EML4: variants seen among roughly 807,000 people sequenced by gnomAD.
EML4 encodes the protein echinoderm microtubule-associated protein-like 4.
EML4 carries 72 observed loss-of-function variants against 129.0 expected under a neutral mutation model. The observed-to-expected ratio is 0.56, with a 90% CI of 0.46 to 0.68. The LOEUF is 0.68. Ranked by LOEUF, EML4 falls within the 30% of genes least tolerant of loss-of-function variation. The pLI is 0.00. For synonymous variants in EML4, 532 were observed against 405.0 expected, an observed-to-expected ratio of 1.31 and a Z score of -3.77; for missense variants, 1,363 against 1,190.6, an observed-to-expected ratio of 1.14 and a Z score of -2.13.
intron 4 of EML4, among the ~76,000 whole-genome samples, chr2:42,262,520 A>C (rs138487574): frequency 6.6e-6 from 1 of 152,188 alleles, no homozygotes; most frequent in African/African-American, 2.4e-5. Flanking sequence ...TTGCCCTCCT[A>C]AATTGCTCTT....
rs1669224117 is a variant in EML4 at position 42,315,950 on chromosome 2, ACTT to A, written c.1968-8_1968-6del. ...ATATCTGAAGAAAATTTTGATTTTT[ACTT>A]CTTAACAGGTGGTTTGTTCTGGATG... is the stretch of plus-strand genomic sequence containing the variant. On this transcript the variant is annotated splice_polypyrimidine_tract_variant and intron_variant, in intron 17 of 22. Coordinates refer to ENST00000318522, the MANE Select transcript of EML4 (RefSeq NM_019063.5). The A allele has an allele frequency of 2.5e-6, 4 of 1,589,316 alleles. No individual in the cohort carries two copies. In the South Asian group the frequency reaches 3.5e-5, roughly 14 times the overall value.
intron 1 of EML4, among the ~76,000 whole-genome samples, chr2:42,176,191 T>C (rs1374772325): frequency 1.3e-5 from 2 of 152,246 alleles, no homozygotes; most frequent in Non-Finnish European, 2.9e-5. Context: ...TTTTGATTCT[T>C]TGCCATTTTT....
chr2:42,245,036 G>C (rs1210167624), intron 1 of EML4, among the ~76,000 whole-genome samples: 1 of 147,538 alleles, frequency 6.8e-6, no homozygotes, highest in Non-Finnish European at 1.5e-5. Flanking sequence ...CTTTATAGAA[G>C]TTAATATGTG....
At position 42,264,722 on chromosome 2, in the gene EML4, A is replaced by C; in HGVS notation, c.658A>C (p.Ile220Leu). ...CTTTTCTAGGCATAAAGATGTCATC[A>C]TCAACCAAGGTAAATTAAAAATCCT... ...KTADKHKDVIINQEGEYIKMF... is the reference protein window; with the variant it reads ...KTADKHKDVILNQEGEYIKMF... Residue 220 changes from isoleucine to leucine, a missense_variant, in exon 6 of 23, where the codon ATC (isoleucine) becomes CTC (leucine). Physicochemically the swap from Ile to Leu is conservative, Grantham distance 5. Coordinates refer to ENST00000318522, the MANE Select transcript of EML4 (RefSeq NM_019063.5). 6.9e-7 allele frequency: 1 copy of C among 1,455,872 alleles called. No homozygotes were observed. The highest frequency in any genetic ancestry group is 9.5e-7 in the Non-Finnish European group (1 of 1,048,470). The allele number at this position is 1,455,872 out of a possible 1,614,324, so 90.2% of individuals were successfully genotyped here.
chr2:42,318,630 T>G (rs553089011), intron 19 of EML4, among the ~76,000 whole-genome samples: 59 of 152,316 alleles, frequency 3.9e-4, no homozygotes, highest in African/African-American at 1.4e-3. Flanking sequence ...ACAACATGAT[T>G]AAATGAGATA....
chr2:42,244,590 T>A (rs576517835), intron 1 of EML4, among the ~76,000 whole-genome samples: 1 of 152,322 alleles, frequency 6.6e-6, no homozygotes, highest in Non-Finnish European at 1.5e-5. Flanking sequence ...AACCTTTTTT[T>A]AAGAGAGGTT....
chr2:42,172,815 G>A (rs1166641325), intron 1 of EML4, among the ~76,000 whole-genome samples: 1 of 152,060 alleles, frequency 6.6e-6, no homozygotes, highest in African/African-American at 2.4e-5. Flanking sequence ...AGCTTTTACC[G>A]ATTTTTTATA....
intron 18 of EML4, 88 bp downstream of exon 18, chr2:42,316,138 C>CT: frequency 3.5e-6 from 3 of 863,496 alleles, no homozygotes; most frequent in Admixed American, 2.1e-5. Flanking sequence ...AGGCTGACTA[C>CT]TTTTTTCTCT....
chr2:42,196,601 A>G (rs1257386219), intron 1 of EML4, among the ~76,000 whole-genome samples: 1 of 152,224 alleles, frequency 6.6e-6, no homozygotes, highest in Non-Finnish European at 1.5e-5. Context: ...GCTGGCGAGA[A>G]GATTAGAGGC....
intron 1 of EML4, among the ~76,000 whole-genome samples, chr2:42,171,741 C>T (rs1219913550): frequency 3.3e-5 from 5 of 152,014 alleles, no homozygotes; most frequent in Non-Finnish European, 5.9e-5. Flanking sequence ...GGAAATGGTT[C>T]CTGGCAGTAT....
chr2:42,268,342 A>G (rs1666181430), intron 6 of EML4, among the ~76,000 whole-genome samples: 1 of 152,236 alleles, frequency 6.6e-6, no homozygotes, highest in African/African-American at 2.4e-5. Flanking sequence ...CTTTTATATC[A>G]AGGACTTGAG....
intron 2 of EML4, among the ~76,000 whole-genome samples, chr2:42,249,704 T>TTC (rs1675641999): frequency 6.6e-6 from 1 of 152,316 alleles, no homozygotes; most frequent in African/African-American, 2.4e-5. Flanking sequence ...TTGTCTTAGT[T>TTC]TATCTTCTGC....
At chr2:42,306,083 AG>A (rs1668578273) in intron 17 of EML4, among the ~76,000 whole-genome samples, 1 of 152,230 alleles carries the variant, frequency 6.6e-6, no homozygotes, top group South Asian at 2.1e-4. Flanking sequence ...TTTTAGAATT[AG>A]GCTGCTTGAG....
intron 1 of EML4, among the ~76,000 whole-genome samples, chr2:42,196,738 T>A (rs1363025133): frequency 6.6e-6 from 1 of 152,218 alleles, no homozygotes; most frequent in African/African-American, 2.4e-5. Flanking sequence ...AAGCTAAATC[T>A]AACCCACCAA....
chr2:42,208,524 C>T (rs1257055243), intron 1 of EML4, among the ~76,000 whole-genome samples: 1 of 151,058 alleles, frequency 6.6e-6, no homozygotes, highest in Non-Finnish European at 1.5e-5. Flanking sequence ...AACCTCCGCC[C>T]TCTGAGTTCA....
In EML4 at chr2:42,268,243, A is replaced by G. The variant is rs529960249; in HGVS notation, c.667+3512A>G. Among the ~76,000 whole-genome samples the G allele has an allele frequency of 2.0e-5, 3 of 152,258 alleles. No individual in the cohort carries two copies. The East Asian group carries it at 5.8e-4, about 29-fold the overall frequency. On this transcript the variant is annotated intron_variant, in intron 6 of 22. Coordinates refer to ENST00000318522, the MANE Select transcript of EML4 (RefSeq NM_019063.5). ...AAACTTTTTTTTGTCATAATTCCCT[A>G]AACAATACAATATAACAACTAATAA...
intron 1 of EML4, among the ~76,000 whole-genome samples, chr2:42,222,829 C>G (rs181150612): frequency 6.6e-6 from 1 of 151,764 alleles, no homozygotes; most frequent in East Asian, 1.9e-4. Flanking sequence ...GATGGAGTCT[C>G]GCTTTGTCGC....
At chr2:42,326,026 G>A in intron 20 of EML4, 128 bp from the exon 21 acceptor site, 1 of 1,212,836 alleles carries the variant, frequency 8.2e-7, no homozygotes. Context: ...CTTTTTAAAT[G>A]TGTCTTAATG....
At chr2:42,172,378 G>A (rs1394287204) in intron 1 of EML4, among the ~76,000 whole-genome samples, 1 of 152,180 alleles carries the variant, frequency 6.6e-6, no homozygotes, top group Non-Finnish European at 1.5e-5. Flanking sequence ...TTTATAAGAT[G>A]TCTAATGGCA....
Sources: allele counts gnomAD v4.1 joint callset (sites outside exome capture counted in the v4.1 genomes callset), GRCh38; gene constraint gnomAD v4.1.1; transcripts MANE v1.5; gene names NCBI Gene and HGNC (gene_info 2026-07-23, HGNC 2026-07-21).